The following PDE11A variants were observed in gnomAD, a reference collection of about 807,000 sequenced individuals.
PDE11A encodes dual 3',5'-cyclic-AMP and -GMP phosphodiesterase 11A.
Under a neutral mutation model 100.5 loss-of-function variants are expected in PDE11A, and 100 were observed. The observed-to-expected ratio is 1.00, with a 90% CI of 0.85 to 1.18. The LOEUF (loss-of-function observed/expected upper bound fraction) is 1.18, where lower values mean the gene tolerates loss of function less well. PDE11A is among the 50% of genes most tolerant of loss of function. The pLI is 0.00. For synonymous variants in PDE11A, 381 were observed against 420.8 expected (o/e 0.91, Z 1.16); for missense variants, 1,141 against 1,152.6 (o/e 0.99, Z 0.15).
chr2:177,938,623 C>T (rs1293480345), intron 2 of PDE11A, among the ~76,000 whole-genome samples: 8 of 152,188 alleles, frequency 5.3e-5, no homozygotes, highest in Admixed American at 3.3e-4. Context: ...CCATAATTCA[C>T]CCACCTGTGG....
intron 9 of PDE11A, among the ~76,000 whole-genome samples, chr2:177,803,307 TAACAACAACAAC>T (rs146272694): frequency 6.6e-6 from 1 of 151,030 alleles, no homozygotes; most frequent in Non-Finnish European, 1.5e-5. Context: ...AAAAATCTCC[TAACAACAACAAC>T]AACAACAACA....
At chr2:178,019,825 C>T (rs755601505) in intron 1 of PDE11A, among the ~76,000 whole-genome samples, 5 of 151,960 alleles carry the variant, frequency 3.3e-5, no homozygotes, top group African/African-American at 4.8e-5. Flanking sequence ...AAACCGTGGA[C>T]GGAAGTATCA....
chr2:177,998,342 T>A, intron 2 of PDE11A: 1 of 807,530 alleles, frequency 1.2e-6, no homozygotes, highest in Non-Finnish European at 2.2e-6. Context: ...CAATGTCCTC[T>A]CCTTGAAGTA....
At chr2:177,842,452 T>G (rs1461078923) in intron 5 of PDE11A, among the ~76,000 whole-genome samples, 4 of 152,086 alleles carry the variant, frequency 2.6e-5, no homozygotes, top group Non-Finnish European at 5.9e-5. Context: ...AATGAGTAAT[T>G]GTATGGTGGG....
In PDE11A at chr2:177,780,629, C is replaced by T. The variant is rs73032055; in HGVS notation, c.1738-11256G>A. ...TAACAACCTTTATCAATGATCTTAGCTAGATGTTCTGGATAACTTGCTACA... is the reference window on the plus strand; with the variant it reads ...TAACAACCTTTATCAATGATCTTAGTTAGATGTTCTGGATAACTTGCTACA... On this transcript the variant is annotated intron_variant, in intron 9 of 19. Coordinates refer to ENST00000286063, the MANE Select transcript of PDE11A (RefSeq NM_016953.4). 8.7e-3 allele frequency among the ~76,000 whole-genome samples: 1,327 copies of T among 152,306 alleles called. 16 individuals are homozygous for T. Among genetic ancestry groups the T allele is most frequent in the African/African-American group, 0.03 (1,246 of 41,550 alleles).
At chr2:177,858,074 T>G (rs1490721766) in intron 5 of PDE11A, among the ~76,000 whole-genome samples, 1 of 152,062 alleles carries the variant, frequency 6.6e-6, no homozygotes, top group Non-Finnish European at 1.5e-5. Context: ...GATCCCTTCC[T>G]TACACCTTAT....
At chr2:177,871,275 C>T (rs988663313) in intron 5 of PDE11A, among the ~76,000 whole-genome samples, 9 of 151,976 alleles carry the variant, frequency 5.9e-5, no homozygotes, top group Non-Finnish European at 8.8e-5. Flanking sequence ...GACTATGACA[C>T]CTGGGGGAGA....
At chr2:177,921,400 T>C (rs2085043016) in intron 2 of PDE11A, among the ~76,000 whole-genome samples, 1 of 151,350 alleles carries the variant, frequency 6.6e-6, no homozygotes, top group African/African-American at 2.4e-5. Context: ...TTTGCACTAC[T>C]AGTACTGGTT....
chr2:177,652,314 T>C (rs1160850809), intron 19 of PDE11A, among the ~76,000 whole-genome samples: 1 of 152,150 alleles, frequency 6.6e-6, no homozygotes, highest in African/African-American at 2.4e-5. Flanking sequence ...CCTAAGAACA[T>C]GTCATCTGAG....
intron 10 of PDE11A, among the ~76,000 whole-genome samples, chr2:177,767,046 G>A (rs1261300644): frequency 1.3e-5 from 2 of 152,084 alleles, no homozygotes; most frequent in Non-Finnish European, 2.9e-5. Context: ...AAAGTAAACA[G>A]CTAGGCCAGG....
chr2:177,672,852 A>C (rs1018114394), intron 17 of PDE11A, among the ~76,000 whole-genome samples: 5 of 152,196 alleles, frequency 3.3e-5, no homozygotes, highest in African/African-American at 1.2e-4. Context: ...ACTTTGACGA[A>C]GTTTGATTAG....
chr2:178,062,469 G>T (rs2086985129), intron 1 of PDE11A, among the ~76,000 whole-genome samples: 1 of 152,132 alleles, frequency 6.6e-6, no homozygotes, highest in African/African-American at 2.4e-5. Context: ...CATAAAGGTG[G>T]CCATTAGAAA....
In PDE11A at chr2:178,015,435, T is replaced by G. The variant is rs935733350; in HGVS notation, c.913-975A>C. ...AAGATCATGAAAGACAAAAAAAAAG[T>G]TTTTTTAAATAAATATAAAGTTAAA... On this transcript the variant is annotated intron_variant, in intron 1 of 19. Coordinates refer to ENST00000286063, the MANE Select transcript of PDE11A (RefSeq NM_016953.4). Among the ~76,000 whole-genome samples, 41 of 152,064 alleles carry G rather than the reference T, an allele frequency of 2.7e-4. 2 individuals are homozygous for G.
At chr2:178,099,032 C>A (rs917882987) in intron 2 of PDE11A, among the ~76,000 whole-genome samples, 49 of 152,176 alleles carry the variant, frequency 3.2e-4, no homozygotes, top group African/African-American at 1.1e-3. Context: ...TTCTAAAACC[C>A]GCTTCAATTA....
Position 178,069,055 on chromosome 2 carries a change from A to G in PDE11A, c.912+2471T>C, listed in dbSNP as rs552589090. On this transcript the variant is annotated intron_variant, in intron 1 of 19. Coordinates refer to ENST00000286063, the MANE Select transcript of PDE11A (RefSeq NM_016953.4). ...ATCTCAGTTCCAGATAAGGAGAAAA[A>G]CAATATAAAATAAGGTAAACAGAAA... Among the ~76,000 whole-genome samples the G allele has an allele frequency of 9.8e-5, 15 of 152,324 alleles. No individual in the cohort carries two copies. The East Asian group carries it at 2.3e-3, about 23-fold the overall frequency.
At chr2:178,061,425 T>C (rs1483078780) in intron 1 of PDE11A, among the ~76,000 whole-genome samples, 1 of 152,166 alleles carries the variant, frequency 6.6e-6, no homozygotes, top group African/African-American at 2.4e-5. Flanking sequence ...AATACCCCTG[T>C]TGAGAAAGCT....
At chr2:177,787,814 G>T (rs527918475) in intron 9 of PDE11A, among the ~76,000 whole-genome samples, 1 of 152,168 alleles carries the variant, frequency 6.6e-6, no homozygotes, top group East Asian at 1.9e-4. Flanking sequence ...ATGGTAAAGG[G>T]ATCAATTCAA....
At chr2:177,641,438 A>AAAG (rs1332430369) in intron 19 of PDE11A, among the ~76,000 whole-genome samples, 1 of 151,740 alleles carries the variant, frequency 6.6e-6, no homozygotes, top group Non-Finnish European at 1.5e-5. Context: ...AAAAAAAAAA[A>AAAG]AAAGCTAGAC....
chr2:177,995,709 A>G (rs1166382628), intron 2 of PDE11A, among the ~76,000 whole-genome samples: 1 of 147,930 alleles, frequency 6.8e-6, no homozygotes, highest in Non-Finnish European at 1.5e-5. Context: ...AATAATTTTG[A>G]TTAATAACCT....
Sources: allele counts gnomAD v4.1 joint callset (sites outside exome capture counted in the v4.1 genomes callset), GRCh38; gene constraint gnomAD v4.1.1; transcripts MANE v1.5; gene names NCBI Gene and HGNC (gene_info 2026-07-23, HGNC 2026-07-21).